Variants in CDK14 observed in about 807,000 individuals in gnomAD.
CDK14 encodes the protein cyclin-dependent kinase 14.
Under a neutral mutation model 60.7 loss-of-function variants are expected in CDK14, and 34 were observed. That is an observed-to-expected ratio of 0.56 (90% CI 0.43 to 0.75). The LOEUF (loss-of-function observed/expected upper bound fraction) is 0.75. Among genes scored for constraint, CDK14 ranks in the 30% least tolerant of loss-of-function variants. CDK14 has a pLI of 0.00. For missense variants in CDK14, 482 were observed against 564.1 expected (o/e 0.85, Z 1.47); for synonymous variants, 197 against 203.7 (o/e 0.97, Z 0.28).
chr7:91,102,056 TC>T (rs774913783), intron 12 of CDK14, among the ~76,000 whole-genome samples: 30 of 152,208 alleles, frequency 2.0e-4, no homozygotes, highest in African/African-American at 7.2e-4. Context: ...TGGGTGGACT[TC>T]TTCACAAATC....
chr7:91,145,454 A>G (rs1179024410), intron 14 of CDK14, among the ~76,000 whole-genome samples: 1 of 152,232 alleles, frequency 6.6e-6, no homozygotes, highest in African/African-American at 2.4e-5. Context: ...ATTACCTCAA[A>G]AAAGACATTT....
intron 7 of CDK14, among the ~76,000 whole-genome samples, chr7:90,900,163 A>C (rs1461509825): frequency 6.6e-6 from 1 of 152,188 alleles, no homozygotes; most frequent in Non-Finnish European, 1.5e-5. Context: ...TTCTATGTAT[A>C]TGTGTAAATG....
intron 2 of CDK14, among the ~76,000 whole-genome samples, chr7:90,618,585 G>A (rs565412550): frequency 6.6e-6 from 1 of 152,154 alleles, no homozygotes; most frequent in South Asian, 2.1e-4. Flanking sequence ...CTTTTTTGAT[G>A]TGCAACTGGT....
chr7:90,729,363 TTTTTTTTTC>T (rs1252217433), intron 3 of CDK14, among the ~76,000 whole-genome samples: 9 of 129,340 alleles, frequency 7.0e-5, no homozygotes, highest in South Asian at 2.5e-4. Flanking sequence ...TTTTTTTTTT[TTTTTTTTTC>T]CCCACTCATC....
At chr7:90,647,231 C>T (rs1800489288) in intron 2 of CDK14, among the ~76,000 whole-genome samples, 1 of 152,110 alleles carries the variant, frequency 6.6e-6, no homozygotes, top group African/African-American at 2.4e-5. Flanking sequence ...GTAGAACCGT[C>T]TTAGTGTGTT....
At chr7:90,621,752 A>T (rs1269177494) in intron 2 of CDK14, among the ~76,000 whole-genome samples, 1 of 150,330 alleles carries the variant, frequency 6.7e-6, no homozygotes, top group Non-Finnish European at 1.5e-5. Context: ...GATGGGATTT[A>T]TCTTAAATGT....
chr7:90,839,942 A>G (rs1290411545), intron 5 of CDK14, among the ~76,000 whole-genome samples: 1 of 152,184 alleles, frequency 6.6e-6, no homozygotes, highest in Admixed American at 6.5e-5. Flanking sequence ...TGCAGCCAAC[A>G]TATACTGCAT....
Position 91,027,402 on chromosome 7 carries a change from T to C in CDK14, c.1042-18495T>C, listed in dbSNP as rs1475169622. On this transcript the variant is annotated intron_variant, in intron 10 of 14. Transcript: ENST00000380050. ...ATCCACTCTCGTCGTGTGCCAGTGT[T>C]GTTAGGAGTGCCCCAAAGTTTCAGG... 3.9e-5 allele frequency among the ~76,000 whole-genome samples: 6 copies of C among 152,280 alleles called. No individual in the cohort carries two copies. In the East Asian group the frequency reaches 1.2e-3, roughly 30 times the overall value.
intron 2 of CDK14, among the ~76,000 whole-genome samples, chr7:90,704,250 C>T (rs921317496): frequency 6.6e-6 from 1 of 152,194 alleles, no homozygotes; most frequent in Non-Finnish European, 1.5e-5. Flanking sequence ...CTGAAGTTCC[C>T]TTGCTATAGC....
chr7:90,709,611 G>A (rs1584808949), intron 2 of CDK14: 2 of 1,611,972 alleles, frequency 1.2e-6, no homozygotes, highest in Middle Eastern at 1.7e-4. Flanking sequence ...AACTCCACAG[G>A]CAAGTCCATC....
chr7:90,851,809 C>A (rs1279736342), intron 5 of CDK14, among the ~76,000 whole-genome samples: 1 of 151,376 alleles, frequency 6.6e-6, no homozygotes, highest in East Asian at 1.9e-4. Flanking sequence ...TTTGAAGTTA[C>A]CTTGCTAATT....
intron 13 of CDK14, among the ~76,000 whole-genome samples, chr7:91,116,579 T>A (rs1025994689): frequency 1.3e-5 from 2 of 152,170 alleles, no homozygotes; most frequent in African/African-American, 2.4e-5. Context: ...GCTGTCTTTT[T>A]AAAAATAAAA....
chr7:90,988,237 A>G (rs746617907), intron 10 of CDK14, among the ~76,000 whole-genome samples: 6 of 152,128 alleles, frequency 3.9e-5, no homozygotes, highest in Non-Finnish European at 8.8e-5. Flanking sequence ...CATAATAACC[A>G]TGTTCATATG....
chr7:91,197,273 G>A (rs951338866), intron 14 of CDK14, among the ~76,000 whole-genome samples: 1 of 151,966 alleles, frequency 6.6e-6, no homozygotes, highest in Admixed American at 6.6e-5. Flanking sequence ...GGTGGCGTGT[G>A]CCTGTAGTCC....
intron 2 of CDK14, among the ~76,000 whole-genome samples, chr7:90,658,289 G>A (rs1209702424): frequency 6.6e-6 from 1 of 152,192 alleles, no homozygotes; most frequent in African/African-American, 2.4e-5. Flanking sequence ...GAGGCTGAAA[G>A]TTCAAGATCA....
At chr7:90,769,800 G>A (rs1804715161) in intron 4 of CDK14, among the ~76,000 whole-genome samples, 2 of 152,090 alleles carry the variant, frequency 1.3e-5, no homozygotes, top group African/African-American at 2.4e-5. Context: ...TTTATGAATG[G>A]TCCTATGAAC....
intron 11 of CDK14, among the ~76,000 whole-genome samples, chr7:91,062,399 C>T (rs1358890801): frequency 2.6e-5 from 4 of 151,994 alleles, no homozygotes; most frequent in African/African-American, 9.7e-5. Flanking sequence ...TGCACTGCAC[C>T]CACTGTCCTG....
chr7:90,758,596 A>G (rs1172736741), intron 4 of CDK14, among the ~76,000 whole-genome samples: 1 of 152,164 alleles, frequency 6.6e-6, no homozygotes, highest in Non-Finnish European at 1.5e-5. Flanking sequence ...TATTCATTGT[A>G]TTGTTTATAA....
chr7:90,725,405 A>G (rs1243118774), intron 2 of CDK14, among the ~76,000 whole-genome samples: 1 of 152,172 alleles, frequency 6.6e-6, no homozygotes, highest in Non-Finnish European at 1.5e-5. Context: ...ATCCATATAC[A>G]TAGCCGCATT....
Sources: gnomAD v4.1 joint callset for allele counts (sites outside exome capture counted in the v4.1 genomes callset) on GRCh38, gnomAD v4.1.1 for gene constraint, MANE v1.5 for transcripts, NCBI Gene and HGNC (gene_info 2026-07-23, HGNC 2026-07-21) for gene names.